The following ABTB3 variants were observed in gnomAD, a reference collection of about 807,000 sequenced individuals.
The protein encoded by ABTB3 is ankyrin repeat- and BTB/POZ domain-containing protein 3.
the ABTB3 span, among the ~76,000 whole-genome samples, chr12:107,549,950 C>A: frequency 6.6e-6 from 1 of 152,160 alleles, no homozygotes; most frequent in African/African-American, 2.4e-5. Context: ...TGCACAATCA[C>A]CCATGTAGAT....
At chr12:107,449,481 G>A in the ABTB3 span, among the ~76,000 whole-genome samples, 1 of 152,122 alleles carries the variant, frequency 6.6e-6, no homozygotes, top group Non-Finnish European at 1.5e-5. Context: ...AGCTTCAGGA[G>A]GAAGGTTCCC....
chr12:107,461,370 C>T, the ABTB3 span, among the ~76,000 whole-genome samples: 4 of 152,058 alleles, frequency 2.6e-5, no homozygotes, highest in African/African-American at 9.7e-5. Context: ...GAGACACAGA[C>T]ACAGATGGAA....
chr12:107,571,045 T>G, the ABTB3 span, among the ~76,000 whole-genome samples: 3 of 152,348 alleles, frequency 2.0e-5, no homozygotes, highest in Admixed American at 2.0e-4. Context: ...TCTATTTTAT[T>G]ATCTAATAAT....
the ABTB3 span, among the ~76,000 whole-genome samples, chr12:107,499,341 A>T: frequency 6.7e-6 from 1 of 149,780 alleles, no homozygotes; most frequent in Non-Finnish European, 1.5e-5. Flanking sequence ...ACACACACAG[A>T]GAGACACACA....
chr12:107,617,587 C>A, the ABTB3 span: 2 of 1,008,426 alleles, frequency 2.0e-6, no homozygotes, highest in African/African-American at 3.3e-5. Flanking sequence ...CAGAGCGACC[C>A]TACCTGCCAG....
the ABTB3 span, among the ~76,000 whole-genome samples, chr12:107,347,981 G>A: frequency 6.6e-6 from 1 of 152,068 alleles, no homozygotes; most frequent in Non-Finnish European, 1.5e-5. Flanking sequence ...GGCTGGGGTG[G>A]GGAGAAGGTA....
chr12:107,360,100 T>G, the ABTB3 span, among the ~76,000 whole-genome samples: 1 of 152,148 alleles, frequency 6.6e-6, no homozygotes, highest in Non-Finnish European at 1.5e-5. Context: ...AGAAACCCCA[T>G]GCTGGTAAGA....
the ABTB3 span, among the ~76,000 whole-genome samples, chr12:107,474,055 A>G: frequency 6.6e-6 from 1 of 152,152 alleles, no homozygotes; most frequent in Non-Finnish European, 1.5e-5. Context: ...AAGTGCTGGG[A>G]TTACAGGCGT....
the ABTB3 span, among the ~76,000 whole-genome samples, chr12:107,441,025 G>A: frequency 6.6e-6 from 1 of 152,134 alleles, no homozygotes; most frequent in Non-Finnish European, 1.5e-5. Context: ...AACGTCAGCC[G>A]ACTAGTTGAA....
the ABTB3 span, among the ~76,000 whole-genome samples, chr12:107,398,249 A>T: frequency 6.6e-6 from 1 of 152,070 alleles, no homozygotes; most frequent in Admixed American, 6.5e-5. Context: ...GGCAGCATGC[A>T]CGTGAGGCCC....
chr12:107,641,300 C>A, the ABTB3 span, among the ~76,000 whole-genome samples: 1 of 152,236 alleles, frequency 6.6e-6, no homozygotes, highest in Middle Eastern at 3.4e-3. Context: ...CAATATTGTA[C>A]CAATGTTATA....
the ABTB3 span, among the ~76,000 whole-genome samples, chr12:107,554,706 G>A: frequency 1.3e-5 from 2 of 152,214 alleles, no homozygotes; most frequent in African/African-American, 4.8e-5. Flanking sequence ...CATTAGGACT[G>A]GGGTGGGGCC....
At chr12:107,631,999 G>T in the ABTB3 span, among the ~76,000 whole-genome samples, 1 of 152,098 alleles carries the variant, frequency 6.6e-6, no homozygotes, top group Non-Finnish European at 1.5e-5. Flanking sequence ...CCATTGTTAC[G>T]TATTTGAAGA....
the ABTB3 span, among the ~76,000 whole-genome samples, chr12:107,507,603 C>T: frequency 2.6e-5 from 4 of 152,182 alleles, no homozygotes; most frequent in Non-Finnish European, 4.4e-5. Context: ...TTGAGCCCCT[C>T]GATGCTCCCC....
At chr12:107,656,126 A>T in the ABTB3 span, among the ~76,000 whole-genome samples, 1 of 130,658 alleles carries the variant, frequency 7.7e-6, no homozygotes, top group African/African-American at 3.1e-5. Context: ...CATCTCTATT[A>T]AAAAAAATAC....
At chr12:107,459,101 C>T in the ABTB3 span, among the ~76,000 whole-genome samples, 4 of 152,254 alleles carry the variant, frequency 2.6e-5, no homozygotes, top group Non-Finnish European at 2.9e-5. Context: ...GCAGTGTATC[C>T]GGCACCTCAG....
the ABTB3 span, among the ~76,000 whole-genome samples, chr12:107,362,824 C>T: frequency 6.6e-6 from 1 of 151,990 alleles, no homozygotes; most frequent in Non-Finnish European, 1.5e-5. Context: ...TTGTACTGAG[C>T]ACTACGCTAG....
chr12:107,521,680 AC>A, the ABTB3 span, among the ~76,000 whole-genome samples: 1 of 65,730 alleles, frequency 1.5e-5, no homozygotes, highest in Non-Finnish European at 3.2e-5. Context: ...ATGTCCCCCC[AC>A]CCCCTACCCT....
the ABTB3 span, among the ~76,000 whole-genome samples, chr12:107,588,179 G>A: frequency 7.4e-4 from 113 of 152,250 alleles, 1 homozygote; most frequent in African/African-American, 2.1e-3. Flanking sequence ...AAGGCCTGCC[G>A]TAATAGCCTC....
Sources: allele counts gnomAD v4.1 joint callset (sites outside exome capture counted in the v4.1 genomes callset), GRCh38; gene constraint gnomAD v4.1.1; transcripts MANE v1.5; gene names NCBI Gene and HGNC (gene_info 2026-07-23, HGNC 2026-07-21).